The following NCAM2 variants were observed in gnomAD, a reference collection of about 807,000 sequenced individuals.
NCAM2 encodes the protein N-CAM-2.
In NCAM2, 30 loss-of-function variants were observed where a neutral mutation model predicts 98.1. That is an observed-to-expected ratio of 0.31 (90% CI 0.23 to 0.41). The LOEUF is 0.41. Ranked by LOEUF, NCAM2 falls within the 10% of genes least tolerant of loss-of-function variation. The pLI is 1.00. For missense variants in NCAM2, 867 were observed against 1,005.8 expected, an observed-to-expected ratio of 0.86 and a Z score of 1.87; for synonymous variants, 368 against 342.4, an observed-to-expected ratio of 1.07 and a Z score of -0.83.
At chr21:21,386,221 A>G (rs974471417) in intron 9 of NCAM2, among the ~76,000 whole-genome samples, 6 of 152,188 alleles carry the variant, frequency 3.9e-5, no homozygotes, top group Admixed American at 1.3e-4. Flanking sequence ...GGTTAGATGT[A>G]TAGGATGAGG....
intron 10 of NCAM2, among the ~76,000 whole-genome samples, 196 bp from the exon 11 acceptor site, chr21:21,418,277 T>C (rs950525257): frequency 6.6e-6 from 1 of 152,034 alleles, no homozygotes; most frequent in African/African-American, 2.4e-5. Context: ...CCTGTGGATA[T>C]TACGGGCTCA....
chr21:21,345,927 A>T (rs1008284111), intron 8 of NCAM2, among the ~76,000 whole-genome samples: 2 of 152,090 alleles, frequency 1.3e-5, no homozygotes, highest in African/African-American at 4.8e-5. Flanking sequence ...AAACTAAATC[A>T]TATCACCAGA....
chr21:21,410,040 G>A (rs2076824052), intron 9 of NCAM2, among the ~76,000 whole-genome samples: 1 of 152,078 alleles, frequency 6.6e-6, no homozygotes, highest in African/African-American at 2.4e-5. Flanking sequence ...GGCTGAAGCA[G>A]GAGAATGGCA....
At chr21:21,241,236 A>T (rs2071054261) in intron 1 of NCAM2, among the ~76,000 whole-genome samples, 1 of 152,144 alleles carries the variant, frequency 6.6e-6, no homozygotes, top group Non-Finnish European at 1.5e-5. Context: ...GCTTTTTAAA[A>T]ATATATTGTT....
intron 12 of NCAM2, among the ~76,000 whole-genome samples, chr21:21,439,504 A>G (rs1978928204): frequency 6.6e-6 from 1 of 152,112 alleles, no homozygotes; most frequent in African/African-American, 2.4e-5. Context: ...AGAGAAACTT[A>G]TTTCAGTTTG....
At chr21:21,247,803 T>C (rs1476636690) in intron 1 of NCAM2, among the ~76,000 whole-genome samples, 1 of 152,226 alleles carries the variant, frequency 6.6e-6, no homozygotes, top group Admixed American at 6.5e-5. Flanking sequence ...ATAGTAGGAA[T>C]CAATTTATCT....
chr21:21,474,671 G>A (rs1486434546), intron 14 of NCAM2, among the ~76,000 whole-genome samples: 1 of 152,028 alleles, frequency 6.6e-6, no homozygotes, highest in East Asian at 1.9e-4. Flanking sequence ...GAATAGCTGA[G>A]GTAATGCCAG....
chr21:21,254,949 ATGTGTG>A (rs58330278), intron 1 of NCAM2, among the ~76,000 whole-genome samples: 66,535 of 148,258 alleles, frequency 0.45, 15,276 homozygotes, highest in Non-Finnish European at 0.51. Context: ...TAGCATATCT[ATGTGTG>A]TGTGTGTGTG....
At chr21:21,255,075 C>T (rs891030326) in intron 1 of NCAM2, among the ~76,000 whole-genome samples, 7 of 151,988 alleles carry the variant, frequency 4.6e-5, no homozygotes, top group Non-Finnish European at 1.0e-4. Context: ...ACATACCAAG[C>T]TATCAGAATA....
chr21:21,433,742 C>T (rs866066974), intron 12 of NCAM2, among the ~76,000 whole-genome samples: 1 of 105,200 alleles, frequency 9.5e-6, no homozygotes, highest in Non-Finnish European at 1.9e-5. Context: ...GACTCCATCT[C>T]AATAAAATAA....
chr21:21,083,472 G>A (rs2065850236), intron 1 of NCAM2, among the ~76,000 whole-genome samples: 1 of 150,984 alleles, frequency 6.6e-6, no homozygotes, highest in Admixed American at 6.6e-5. Flanking sequence ...CCAGGCTGGA[G>A]TGCAGTGGTG....
intron 1 of NCAM2, among the ~76,000 whole-genome samples, chr21:21,243,477 G>T (rs1203569490): frequency 1.3e-5 from 2 of 152,146 alleles, no homozygotes; most frequent in African/African-American, 4.8e-5. Flanking sequence ...AGACATGCTT[G>T]GGCTAACCAG....
At chr21:21,309,850 A>G (rs199722735) in intron 5 of NCAM2, among the ~76,000 whole-genome samples, 1 of 142,230 alleles carries the variant, frequency 7.0e-6, no homozygotes, top group Non-Finnish European at 1.6e-5. Context: ...ATTTCCCCCC[A>G]TATTTTAGGA....
At chr21:21,302,789 G>T (rs1215580080) in intron 5 of NCAM2, among the ~76,000 whole-genome samples, 1 of 152,008 alleles carries the variant, frequency 6.6e-6, no homozygotes, top group African/African-American at 2.4e-5. Context: ...TACCAAAAAG[G>T]CATAGAGACG....
intron 1 of NCAM2, among the ~76,000 whole-genome samples, chr21:21,174,783 T>C (rs1601567808): frequency 2.0e-5 from 3 of 151,150 alleles, no homozygotes; most frequent in African/African-American, 7.3e-5. Flanking sequence ...ATAAAGAAAA[T>C]TGTTATGAGA....
At chr21:21,529,788 A>C (rs1489155506) in intron 16 of NCAM2, among the ~76,000 whole-genome samples, 1 of 151,772 alleles carries the variant, frequency 6.6e-6, no homozygotes, top group Non-Finnish European at 1.5e-5. Flanking sequence ...AACATAACAT[A>C]GTATTAGTGT....
chr21:21,021,490 A>G (rs1035501109), intron 1 of NCAM2, among the ~76,000 whole-genome samples: 13 of 152,218 alleles, frequency 8.5e-5, no homozygotes, highest in African/African-American at 2.7e-4. Context: ...GACTCAATAC[A>G]TAGACATGTA....
chr21:21,260,291 C>CA (rs879937735), intron 1 of NCAM2, among the ~76,000 whole-genome samples: 316 of 149,798 alleles, frequency 2.1e-3, no homozygotes, highest in Admixed American at 4.5e-3. Flanking sequence ...ATAATAATTC[C>CA]AAAAAAAATT....
intron 7 of NCAM2, among the ~76,000 whole-genome samples, chr21:21,337,840 T>TA (rs1299488320): frequency 6.6e-6 from 1 of 152,056 alleles, no homozygotes; most frequent in African/African-American, 2.4e-5. Context: ...TAAATATATT[T>TA]ACTTAGTAAA....
Sources: allele counts gnomAD v4.1 joint callset (sites outside exome capture counted in the v4.1 genomes callset), GRCh38; gene constraint gnomAD v4.1.1; transcripts MANE v1.5; gene names NCBI Gene and HGNC (gene_info 2026-07-23, HGNC 2026-07-21).